The following DSCAM variants were observed in gnomAD, a reference collection of about 807,000 sequenced individuals.
The protein encoded by DSCAM is DS cell adhesion molecule, also known as cell adhesion molecule DSCAM.
DSCAM carries 47 observed loss-of-function variants against 217.7 expected under a neutral mutation model. The observed-to-expected ratio is 0.22, with a 90% confidence interval of 0.17 to 0.28. The LOEUF is 0.28. DSCAM is among the 10% of genes least tolerant of loss of function. The pLI is 1.00. For missense variants in DSCAM, 2,080 were observed against 2,618.3 expected, an observed-to-expected ratio of 0.79 and a Z score of 4.49; for synonymous variants, 1,056 against 1,015.3, an observed-to-expected ratio of 1.04 and a Z score of -0.76.
At chr21:40,756,460 C>T (rs548401695) in intron 1 of DSCAM, among the ~76,000 whole-genome samples, 25 of 152,258 alleles carry the variant, frequency 1.6e-4, no homozygotes, top group African/African-American at 4.8e-4. Flanking sequence ...GGCATGATCT[C>T]GGTTCATTGC....
At chr21:40,686,856 G>A (rs982247201) in intron 3 of DSCAM, among the ~76,000 whole-genome samples, 4 of 152,092 alleles carry the variant, frequency 2.6e-5, no homozygotes, top group South Asian at 2.1e-4. Flanking sequence ...AGGTGGCAGC[G>A]GGGTAACATG....
chr21:40,244,891 G>A (rs2146949045), intron 11 of DSCAM, among the ~76,000 whole-genome samples: 1 of 152,002 alleles, frequency 6.6e-6, no homozygotes, highest in East Asian at 1.9e-4. Context: ...TTGAAAATCT[G>A]TACTGGCAAT....
rs1355860335 is a variant in DSCAM at position 40,533,479 on chromosome 21, G to A, written c.508+159331C>T. Among the ~76,000 whole-genome samples the A allele has an allele frequency of 4.7e-5, 7 of 147,430 alleles. No individual in the cohort carries two copies. In the East Asian group the frequency reaches 8.2e-4, roughly 17 times the overall value. On this transcript the variant is annotated intron_variant, in intron 3 of 32. Coordinates refer to ENST00000400454, the MANE Select transcript of DSCAM (RefSeq NM_001389.5). Reference sequence around the variant, plus strand: ...CCACCCATCGTCCATCCATCCGTCCGTCCATCCATCCATCCATCCATCCAA... The same window carrying A: ...CCACCCATCGTCCATCCATCCGTCCATCCATCCATCCATCCATCCATCCAA...
At chr21:40,377,382 G>A (rs1310492277) in intron 3 of DSCAM, among the ~76,000 whole-genome samples, 1 of 152,118 alleles carries the variant, frequency 6.6e-6, no homozygotes, top group Non-Finnish European at 1.5e-5. Context: ...GCATGGGCAA[G>A]CGGAGGTACA....
At chr21:40,723,096 T>C (rs1325755813) in intron 1 of DSCAM, among the ~76,000 whole-genome samples, 1 of 151,976 alleles carries the variant, frequency 6.6e-6, no homozygotes, top group African/African-American at 2.4e-5. Context: ...CGCTCTTTTT[T>C]TTTTTTTTTA....
At chr21:40,278,521 C>T (rs1297160118) in intron 10 of DSCAM, among the ~76,000 whole-genome samples, 1 of 152,068 alleles carries the variant, frequency 6.6e-6, no homozygotes, top group Non-Finnish European at 1.5e-5. Context: ...AGACTTGAGA[C>T]CAGGAGTTTG....
At chr21:40,739,409 C>T (rs1569011859) in intron 1 of DSCAM, among the ~76,000 whole-genome samples, 2 of 152,192 alleles carry the variant, frequency 1.3e-5, no homozygotes, top group Non-Finnish European at 2.9e-5. Flanking sequence ...AGATGAGTGG[C>T]TTAAACAACT....
chr21:40,044,835 G>C (rs1308110739), intron 30 of DSCAM, among the ~76,000 whole-genome samples: 1 of 152,202 alleles, frequency 6.6e-6, no homozygotes, highest in African/African-American at 2.4e-5. Context: ...TCAGCCCAGT[G>C]TGTTCTAACA....
intron 16 of DSCAM, among the ~76,000 whole-genome samples, chr21:40,148,017 T>C (rs1568967698): frequency 1.3e-5 from 2 of 152,190 alleles, no homozygotes; most frequent in African/African-American, 4.8e-5. Flanking sequence ...GTTAATGAGA[T>C]AGGGCTTTTT....
chr21:40,257,606 T>C (rs913999797), intron 11 of DSCAM, among the ~76,000 whole-genome samples: 1 of 152,096 alleles, frequency 6.6e-6, no homozygotes, highest in Non-Finnish European at 1.5e-5. Flanking sequence ...CAGGACTGAA[T>C]GAGCAGAATG....
chr21:40,374,204 G>A (rs1192998203), intron 3 of DSCAM, among the ~76,000 whole-genome samples: 1 of 151,900 alleles, frequency 6.6e-6, no homozygotes, highest in Non-Finnish European at 1.5e-5. Context: ...CTTTTCAATT[G>A]AAAAAAATAT....
chr21:40,123,488 G>T (rs2090057578), intron 20 of DSCAM, among the ~76,000 whole-genome samples: 2 of 152,080 alleles, frequency 1.3e-5, no homozygotes, highest in Admixed American at 1.3e-4. Flanking sequence ...TCATTTTAAT[G>T]TTTTCTTTTC....
chr21:40,464,124 C>A (rs1468323659), intron 3 of DSCAM, among the ~76,000 whole-genome samples: 3 of 152,218 alleles, frequency 2.0e-5, no homozygotes, highest in African/African-American at 7.2e-5. Flanking sequence ...TCCCACATTT[C>A]TATCTCCCAA....
chr21:40,645,595 T>C (rs1329287723), intron 3 of DSCAM, among the ~76,000 whole-genome samples: 1 of 152,162 alleles, frequency 6.6e-6, no homozygotes, highest in East Asian at 1.9e-4. Flanking sequence ...GATTCCTAAA[T>C]CTCATAGCAA....
chr21:40,700,732 TTTC>T (rs1456751595), intron 2 of DSCAM, among the ~76,000 whole-genome samples: 5 of 149,068 alleles, frequency 3.4e-5, no homozygotes, highest in African/African-American at 1.3e-4. Flanking sequence ...TCTTTCTTTC[TTTC>T]TTTTTTTTTT....
chr21:40,622,971 T>C (rs998378369), intron 3 of DSCAM, among the ~76,000 whole-genome samples: 1 of 152,228 alleles, frequency 6.6e-6, no homozygotes, highest in African/African-American at 2.4e-5. Flanking sequence ...CTAGTAAATT[T>C]CAACTTATTA....
At chr21:40,417,635 G>A (rs1045166052) in intron 3 of DSCAM, among the ~76,000 whole-genome samples, 1 of 152,014 alleles carries the variant, frequency 6.6e-6, no homozygotes, top group African/African-American at 2.4e-5. Flanking sequence ...CTATAGTATG[G>A]AATTTAGCTA....
intron 1 of DSCAM, among the ~76,000 whole-genome samples, chr21:40,712,837 GT>G (rs2090797101): frequency 6.6e-6 from 1 of 152,050 alleles, no homozygotes; most frequent in South Asian, 2.1e-4. Flanking sequence ...GAGAGAGAAG[GT>G]GGGGGGTACA....
intron 32 of DSCAM, among the ~76,000 whole-genome samples, chr21:40,032,316 T>C (rs2088541750): frequency 1.3e-5 from 2 of 152,180 alleles, no homozygotes; most frequent in Admixed American, 1.3e-4. Flanking sequence ...ATCCGTCTTT[T>C]ATTCAGATCT....
Sources: gnomAD v4.1 joint callset for allele counts (sites outside exome capture counted in the v4.1 genomes callset) on GRCh38, gnomAD v4.1.1 for gene constraint, MANE v1.5 for transcripts, NCBI Gene and HGNC (gene_info 2026-07-23, HGNC 2026-07-21) for gene names.